INO80: variants seen among roughly 807,000 people sequenced by gnomAD.
The protein encoded by INO80 is INO80 complex ATPase subunit.
Under a neutral mutation model 203.4 loss-of-function variants are expected in INO80, and 20 were observed. The ratio of observed to expected loss-of-function variants is 0.10; its 90% CI spans 0.07 to 0.14. The LOEUF is 0.14. Among genes scored for constraint, INO80 ranks in the 10% least tolerant of loss-of-function variants. The pLI is 1.00. For missense variants in INO80, 1,419 were observed against 1,914.4 expected, an observed-to-expected ratio of 0.74 and a Z score of 4.83; for synonymous variants, 726 against 685.2, an observed-to-expected ratio of 1.06 and a Z score of -0.93.
chr15:41,045,016 C>G lies in INO80; in HGVS notation c.2795G>C (p.Trp932Ser). Residue 932 changes from tryptophan (W) to serine (S), a missense_variant, in exon 24 of 36, where the codon TGG becomes TCG. By Grantham distance (177) the Trp-to-Ser change is radical (BLOSUM62 -3). Around this residue, in one of 9 missense-constraint regions of INO80, gnomAD observed 302 missense variants for 345.4 expected, o/e 0.87. Transcript: ENST00000648947. ...GTGGCTCTCCCCTTCTGGCGCTCCC[C>G]AGGAGCGTAGCTGATGGAGCCTGTA... ...ASYRLHQLRSWGAPEGESHQR... is the reference protein window; with the variant it reads ...ASYRLHQLRSSGAPEGESHQR... 1.2e-6 allele frequency: 2 copies of G among 1,613,704 alleles called. No homozygotes were observed. The highest frequency in any genetic ancestry group is 1.7e-6 in the Non-Finnish European group (2 of 1,179,858).
At chr15:41,062,368 G>C (rs556963115) in intron 14 of INO80, among the ~76,000 whole-genome samples, 1 of 152,042 alleles carries the variant, frequency 6.6e-6, no homozygotes, top group African/African-American at 2.4e-5. Context: ...CTGGGAGGCT[G>C]AGGCGGATGG....
chr15:41,112,104 T>C (rs957689182), intron 1 of INO80, among the ~76,000 whole-genome samples: 1 of 152,104 alleles, frequency 6.6e-6, no homozygotes, highest in African/African-American at 2.4e-5. Context: ...TCTCCCTATA[T>C]TGACCAGGCT....
intron 25 of INO80, among the ~76,000 whole-genome samples, chr15:41,022,261 C>A (rs1333959179): frequency 1.3e-5 from 2 of 152,172 alleles, no homozygotes; most frequent in Non-Finnish European, 2.9e-5. Context: ...CAGGAGAGAT[C>A]AGAACATAAA....
chr15:41,016,640 C>T (rs1325036424), intron 26 of INO80, among the ~76,000 whole-genome samples: 5 of 152,204 alleles, frequency 3.3e-5, no homozygotes, highest in Admixed American at 1.3e-4. Flanking sequence ...GCATTGAGAA[C>T]GTATCCTACC....
chr15:41,084,881 C>T (rs982121187), intron 7 of INO80, among the ~76,000 whole-genome samples: 4 of 152,106 alleles, frequency 2.6e-5, no homozygotes, highest in Admixed American at 1.3e-4. Flanking sequence ...GGGCTACAAA[C>T]ATGTGCCGCT....
chr15:40,984,497 A>G (rs888746824), intron 32 of INO80, 145 bp from the exon 33 acceptor site: 24 of 726,592 alleles, frequency 3.3e-5, no homozygotes, highest in East Asian at 1.9e-4. Context: ...GAAAAACTGC[A>G]TAAGGAAGAA....
At position 40,980,415 on chromosome 15, in the gene INO80, C is replaced by T. The variant is rs1893779952; in HGVS notation, c.4479G>A (p.Gln1493=). ...GGCCAGCAGGCCGAACAAGGGATGT[C>T]TGCAGAGGACTGCTGGCGGAGATTC... The part of the protein sequence containing the change: ...SKGISASSPL[Q]TSLVRPAGLA... Residue 1493 remains glutamine, a synonymous_variant, in exon 36 of 36, where the codon CAG becomes CAA. Transcript: ENST00000648947. 1 of 1,613,306 alleles carries T rather than the reference C, an allele frequency of 6.2e-7. No homozygotes were observed. The highest frequency in any genetic ancestry group is 8.5e-7 in the Non-Finnish European group (1 of 1,179,972).
intron 28 of INO80, among the ~76,000 whole-genome samples, chr15:40,998,109 C>A (rs934824990): frequency 1.3e-5 from 2 of 150,684 alleles, no homozygotes; most frequent in African/African-American, 4.9e-5. Context: ...GCAACCTCTG[C>A]CTCCTGGGTT....
intron 14 of INO80, among the ~76,000 whole-genome samples, chr15:41,062,979 A>C (rs2045140029): frequency 6.6e-6 from 1 of 152,218 alleles, no homozygotes; most frequent in Non-Finnish European, 1.5e-5. Flanking sequence ...ATAAGAAAGG[A>C]GAGAACCAAA....
chr15:41,087,873 T>C (rs2045584385), intron 5 of INO80, among the ~76,000 whole-genome samples, 191 bp from the exon 6 acceptor site: 1 of 152,136 alleles, frequency 6.6e-6, no homozygotes, highest in Non-Finnish European at 1.5e-5. Context: ...GTTCAACTCC[T>C]ATACACGTAA....
chr15:41,038,276 C>T (rs1242280953), intron 24 of INO80, among the ~76,000 whole-genome samples: 1 of 151,950 alleles, frequency 6.6e-6, no homozygotes, highest in Admixed American at 6.6e-5. Flanking sequence ...TCCCAAAGTG[C>T]TGGGATTACA....
intron 32 of INO80, 94 bp from the exon 33 acceptor site, chr15:40,984,446 C>G (rs2140409080): frequency 3.3e-6 from 4 of 1,196,682 alleles, no homozygotes; most frequent in East Asian, 2.4e-5. Flanking sequence ...AACTTTTATT[C>G]TTTAGTTTAT....
Position 41,095,900 on chromosome 15 carries a change from T to C in INO80, c.172A>G (p.Ser58Gly), listed in dbSNP as rs753978831. Residue 58 changes from serine to glycine, a missense_variant, in exon 3 of 36, where the codon AGT (serine) becomes GGT (glycine). This residue lies in a region of INO80 where 323 missense variants were observed against 325.4 expected (regional missense o/e 0.99). Coordinates refer to ENST00000648947, the MANE Select transcript of INO80 (RefSeq NM_017553.3). Reference protein sequence around the residue: ...SDDSEDGLDDSNPLLPQSGDP... With the variant: ...SDDSEDGLDDGNPLLPQSGDP... Reference sequence around the variant, plus strand: ...CCAGACTGGGGCAATAATGGATTACTGTCATCCAGTCCATCTTCACTGTCA... The same window carrying C: ...CCAGACTGGGGCAATAATGGATTACCGTCATCCAGTCCATCTTCACTGTCA... 3 of 1,614,036 alleles carry C rather than the reference T, an allele frequency of 1.9e-6. No individual in the cohort carries two copies. In the South Asian group the frequency reaches 3.3e-5, roughly 18 times the overall value.
chr15:41,085,918 G>C (rs796471130), intron 6 of INO80, among the ~76,000 whole-genome samples: 41 of 152,178 alleles, frequency 2.7e-4, no homozygotes, highest in African/African-American at 9.9e-4. Context: ...GGAGTGCAAT[G>C]GTGCAATCTC....
At chr15:41,012,520 G>A (rs1048814632) in intron 27 of INO80, among the ~76,000 whole-genome samples, 2 of 127,484 alleles carry the variant, frequency 1.6e-5, no homozygotes, top group Non-Finnish European at 3.1e-5. Context: ...CTGAGATCCC[G>A]CCATTGCACT....
chr15:41,076,610 C>T (rs2045407087), intron 9 of INO80, among the ~76,000 whole-genome samples: 1 of 151,968 alleles, frequency 6.6e-6, no homozygotes, highest in South Asian at 2.1e-4. Context: ...GGCATGGTAG[C>T]ATGTACCTGC....
Position 40,984,311 on chromosome 15 carries a change from C to T in INO80, c.3963G>A (p.Glu1321=), listed in dbSNP as rs1457341087. The change falls in exon 33 of 36, where the codon GAG becomes GAA. Residue 1321 remains glutamate, a synonymous_variant. Transcript: ENST00000648947. ...EDELDGKRRK[E]GVNLVIPFVP... ...CAAATGGGATCACCAGGTTCACACC[C>T]TCTTTTCTCCTTTTCCCATCCAATT... is the stretch of plus-strand genomic sequence containing the variant. The T allele has an allele frequency of 3.1e-6, 5 of 1,614,194 alleles. No individual in the cohort carries two copies. Among genetic ancestry groups the T allele is most frequent in the Non-Finnish European group, 4.2e-6 (5 of 1,180,010 alleles).
At chr15:41,114,307 A>G (rs1365755615) in intron 1 of INO80, among the ~76,000 whole-genome samples, 1 of 151,910 alleles carries the variant, frequency 6.6e-6, no homozygotes, top group Non-Finnish European at 1.5e-5. Context: ...AAAGTCTAGA[A>G]GGTATGCAAC....
At chr15:41,016,330 A>C in intron 26 of INO80, 115 bp from the exon 27 acceptor site, 1 of 984,592 alleles carries the variant, frequency 1.0e-6, no homozygotes, top group Admixed American at 2.4e-5. Context: ...TGTCATCATG[A>C]GATCAGAAAA....
Sources: allele counts gnomAD v4.1 joint callset (sites outside exome capture counted in the v4.1 genomes callset), GRCh38; gene constraint gnomAD v4.1.1; regional missense constraint gnomAD v4.1.1; transcripts MANE v1.5; gene names NCBI Gene and HGNC (gene_info 2026-07-23, HGNC 2026-07-21).